Variants in NLGN1 observed in about 807,000 individuals in gnomAD.
The protein encoded by NLGN1 is neuroligin-1.
NLGN1 carries 12 observed loss-of-function variants against 65.5 expected under a neutral mutation model. That is an observed-to-expected ratio of 0.18 (90% confidence interval 0.12 to 0.30). NLGN1 has a LOEUF of 0.30. Among genes scored for constraint, NLGN1 ranks in the 10% least tolerant of loss-of-function variants. NLGN1 has a pLI of 1.00. For missense variants in NLGN1, 750 were observed against 1,007.1 expected (o/e 0.74, Z 3.46); for synonymous variants, 350 against 359.5 (o/e 0.97, Z 0.30).
intron 4 of NLGN1, among the ~76,000 whole-genome samples, chr3:174,181,415 T>G (rs1730394508): frequency 6.6e-6 from 1 of 152,080 alleles, no homozygotes; most frequent in African/African-American, 2.4e-5. Flanking sequence ...TAAGTACCCC[T>G]CCTCAGGGGC....
chr3:173,787,825 G>T (rs936074431), intron 3 of NLGN1, among the ~76,000 whole-genome samples: 2 of 152,196 alleles, frequency 1.3e-5, no homozygotes, highest in African/African-American at 2.4e-5. Context: ...GCTGACCACA[G>T]CAAAGGTGCA....
chr3:173,495,424 G>GTC (rs1729845240), intron 2 of NLGN1, among the ~76,000 whole-genome samples: 2 of 151,264 alleles, frequency 1.3e-5, no homozygotes, highest in Non-Finnish European at 2.9e-5. Context: ...ATATCATTAG[G>GTC]AAATATAGGT....
At chr3:173,742,450 T>C (rs951946319) in intron 3 of NLGN1, among the ~76,000 whole-genome samples, 9 of 152,178 alleles carry the variant, frequency 5.9e-5, no homozygotes, top group African/African-American at 1.7e-4. Flanking sequence ...CTATATTCTA[T>C]ACATTTTATA....
intron 4 of NLGN1, among the ~76,000 whole-genome samples, chr3:174,039,336 A>G (rs1731789766): frequency 6.6e-6 from 1 of 151,986 alleles, no homozygotes; most frequent in Non-Finnish European, 1.5e-5. Context: ...TACATGTGTC[A>G]TGGTGGTTTG....
At chr3:174,125,736 G>A (rs1718805441) in intron 4 of NLGN1, among the ~76,000 whole-genome samples, 1 of 152,100 alleles carries the variant, frequency 6.6e-6, no homozygotes, top group African/African-American at 2.4e-5. Context: ...AAAAGAAGCA[G>A]ATAAAACTTG....
At chr3:173,558,234 T>C (rs1213093524) in intron 2 of NLGN1, among the ~76,000 whole-genome samples, 2 of 152,162 alleles carry the variant, frequency 1.3e-5, no homozygotes, top group Admixed American at 1.3e-4. Flanking sequence ...CACTGCTTGC[T>C]TTTTAAGATG....
chr3:174,182,281 T>C (rs184523229), intron 4 of NLGN1, among the ~76,000 whole-genome samples: 7 of 152,320 alleles, frequency 4.6e-5, no homozygotes, highest in African/African-American at 1.4e-4. Flanking sequence ...TAAATGTCTA[T>C]TAAATTTAAG....
chr3:174,022,604 G>A (rs1727970305), intron 4 of NLGN1, among the ~76,000 whole-genome samples: 1 of 152,168 alleles, frequency 6.6e-6, no homozygotes, highest in Non-Finnish European at 1.5e-5. Flanking sequence ...ATGAAAAAGT[G>A]TTCAACATCA....
chr3:174,159,107 A>G (rs2152716775), intron 4 of NLGN1, among the ~76,000 whole-genome samples: 1 of 151,776 alleles, frequency 6.6e-6, no homozygotes, highest in African/African-American at 2.4e-5. Flanking sequence ...CATCCAGTAT[A>G]CCCTCGGTAG....
intron 3 of NLGN1, among the ~76,000 whole-genome samples, chr3:173,636,693 A>G (rs1756650977): frequency 6.6e-6 from 1 of 152,170 alleles, no homozygotes; most frequent in Non-Finnish European, 1.5e-5. Context: ...TACCTGGGAA[A>G]TAGTTGTATG....
chr3:174,247,918 G>T (rs1744092710), intron 4 of NLGN1, among the ~76,000 whole-genome samples: 1 of 152,164 alleles, frequency 6.6e-6, no homozygotes, highest in African/African-American at 2.4e-5. Flanking sequence ...ATATTAATTA[G>T]GTTCTTGAAA....
At chr3:174,287,069 C>A (rs552626508), downstream of NLGN1, among the ~76,000 whole-genome samples, 1 of 151,554 alleles carries the variant, frequency 6.6e-6, no homozygotes, top group African/African-American at 2.4e-5. Context: ...AATCATAAAT[C>A]TATTATTCTT....
intron 4 of NLGN1, among the ~76,000 whole-genome samples, chr3:174,178,128 A>ACC (rs374099950): frequency 7.9e-5 from 12 of 152,120 alleles, no homozygotes; most frequent in African/African-American, 2.9e-4. Flanking sequence ...ACAAAGTTTA[A>ACC]CTATTTAGAA....
intron 4 of NLGN1, among the ~76,000 whole-genome samples, chr3:174,264,897 T>C (rs1577679417): frequency 6.6e-6 from 1 of 152,014 alleles, no homozygotes; most frequent in Non-Finnish European, 1.5e-5. Context: ...GTTTTCCTTC[T>C]AACAGAGAGG....
At chr3:173,417,313 A>C (rs1348831365) in intron 1 of NLGN1, among the ~76,000 whole-genome samples, 1 of 151,922 alleles carries the variant, frequency 6.6e-6, no homozygotes, top group African/African-American at 2.4e-5. Context: ...GGTCTTTTTC[A>C]ATTTTAAGAC....
chr3:173,706,368 T>G (rs1768043054), intron 3 of NLGN1, among the ~76,000 whole-genome samples: 1 of 152,232 alleles, frequency 6.6e-6, no homozygotes, highest in East Asian at 1.9e-4. Flanking sequence ...TTTAGACTTT[T>G]CAAATTATTT....
At chr3:174,152,245 ATATC>A (rs1395022957) in intron 4 of NLGN1, among the ~76,000 whole-genome samples, 9 of 152,186 alleles carry the variant, frequency 5.9e-5, no homozygotes, top group Non-Finnish European at 1.0e-4. Flanking sequence ...GTTTATGTCT[ATATC>A]TATATGTCTA....
At chr3:174,071,906 C>A (rs751535571) in intron 4 of NLGN1, among the ~76,000 whole-genome samples, 1 of 151,990 alleles carries the variant, frequency 6.6e-6, no homozygotes, top group Non-Finnish European at 1.5e-5. Context: ...AAGCTTATGT[C>A]CAAGTAAGAT....
intron 4 of NLGN1, among the ~76,000 whole-genome samples, chr3:173,881,005 T>C (rs986870397): frequency 3.3e-5 from 5 of 152,154 alleles, no homozygotes; most frequent in Non-Finnish European, 5.9e-5. Flanking sequence ...CCACTTTCTT[T>C]GCTCATTCAT....
Sources: gnomAD v4.1 joint callset for allele counts (sites outside exome capture counted in the v4.1 genomes callset) on GRCh38, gnomAD v4.1.1 for gene constraint, MANE v1.5 for transcripts, NCBI Gene and HGNC (gene_info 2026-07-23, HGNC 2026-07-21) for gene names.